ANKRD12: variants seen among roughly 807,000 people sequenced by gnomAD.
The protein encoded by ANKRD12 is ankyrin repeat domain-containing protein 12.
In ANKRD12, 85 loss-of-function variants were observed where a neutral mutation model predicts 183.4. That is an observed-to-expected ratio of 0.46 (90% CI 0.39 to 0.56). The LOEUF is 0.56. ANKRD12 is among the 20% of genes least tolerant of loss of function. The pLI, the probability that ANKRD12 is intolerant of heterozygous loss-of-function variation, is 0.00. For missense variants in ANKRD12, 2,405 were observed against 2,357.1 expected, an observed-to-expected ratio of 1.02 and a Z score of -0.42; for synonymous variants, 914 against 800.2, an observed-to-expected ratio of 1.14 and a Z score of -2.40.
Position 9,204,520 on chromosome 18 carries a change from A to G in ANKRD12, c.280A>G (p.Ile94Val), listed in dbSNP as rs1288332713. ...HTSENWGERL[I>V]SSYRTYSEKE... ...AAGTGAAAATTGGGGGGAGAGACTTATATCTTCTTACAGGACATACTCAGG... is the reference window on the plus strand; with the variant it reads ...AAGTGAAAATTGGGGGGAGAGACTTGTATCTTCTTACAGGACATACTCAGG... The change falls in exon 4 of 13, where the codon ATA becomes GTA. Residue 94 changes from isoleucine to valine, a missense_variant. This residue lies in a region of ANKRD12 where 145 missense variants were observed against 145.6 expected (regional missense o/e 1.00). Coordinates refer to ENST00000262126, the MANE Select transcript of ANKRD12 (RefSeq NM_015208.5). The G allele has an allele frequency of 5.6e-6, 9 of 1,600,938 alleles. No homozygotes were observed. The highest frequency in any genetic ancestry group is 2.3e-5 in the East Asian group (1 of 44,410).
intron 6 of ANKRD12, among the ~76,000 whole-genome samples, 157 bp from the exon 7 acceptor site, chr18:9,216,601 T>C (rs187296867): frequency 1.8e-4 from 27 of 152,386 alleles, no homozygotes; most frequent in African/African-American, 5.8e-4. Context: ...TAAATTGATA[T>C]TGTTCTTATT....
chr18:9,201,318 A>G (rs900117751), intron 3 of ANKRD12, among the ~76,000 whole-genome samples: 5 of 152,202 alleles, frequency 3.3e-5, no homozygotes, highest in Admixed American at 2.0e-4. Context: ...TTTCTTTCCT[A>G]GTCTTAACGG....
intron 4 of ANKRD12, among the ~76,000 whole-genome samples, chr18:9,205,606 A>G (rs911132626): frequency 7.9e-5 from 12 of 152,138 alleles, no homozygotes; most frequent in African/African-American, 2.9e-4. Context: ...GGTGACTTCT[A>G]AGTACCCAAA....
intron 8 of ANKRD12, among the ~76,000 whole-genome samples, chr18:9,253,788 T>C (rs920021517): frequency 2.6e-5 from 4 of 152,218 alleles, no homozygotes; most frequent in African/African-American, 9.6e-5. Context: ...AAACAGCCAC[T>C]TTGGAGAACA....
intron 1 of ANKRD12, 49 bp from the exon 2 acceptor site, chr18:9,182,333 A>AACTTCAGGTAGGTT: frequency 3.8e-5 from 13 of 338,900 alleles, no homozygotes; most frequent in Middle Eastern, 7.2e-4. Flanking sequence ...GTGGTGCGTA[A>AACTTCAGGTAGGTT]CCTATTGTAT....
intron 1 of ANKRD12, among the ~76,000 whole-genome samples, chr18:9,175,523 C>CCTTTTT (rs2033184243): frequency 1.9e-5 from 1 of 53,302 alleles, no homozygotes; most frequent in African/African-American, 7.7e-5. Flanking sequence ...AAAGGCTCCT[C>CCTTTTT]TTTTTTTTTT....
At chr18:9,278,476 G>A (rs1254795234) in intron 11 of ANKRD12, among the ~76,000 whole-genome samples, 1 of 152,128 alleles carries the variant, frequency 6.6e-6, no homozygotes, top group Non-Finnish European at 1.5e-5. Flanking sequence ...CTAACTTGGG[G>A]CACCAATGAA....
intron 1 of ANKRD12, among the ~76,000 whole-genome samples, chr18:9,162,992 G>T (rs543162245): frequency 6.6e-6 from 1 of 152,236 alleles, no homozygotes; most frequent in African/African-American, 2.4e-5. Flanking sequence ...TCTGTAGGTT[G>T]TCTGTTCACT....
intron 8 of ANKRD12, among the ~76,000 whole-genome samples, chr18:9,228,081 T>C (rs569692433): frequency 6.6e-6 from 1 of 152,266 alleles, no homozygotes; most frequent in South Asian, 2.1e-4. Flanking sequence ...CTGACTTCAC[T>C]AATTCCATCC....
At chr18:9,262,870 C>T (rs1312970801) in intron 9 of ANKRD12, among the ~76,000 whole-genome samples, 1 of 125,212 alleles carries the variant, frequency 8.0e-6, no homozygotes, top group African/African-American at 3.0e-5. Flanking sequence ...ATGATCTCAA[C>T]TCACTGCAAC....
intron 1 of ANKRD12, among the ~76,000 whole-genome samples, chr18:9,139,928 G>T (rs1400807562): frequency 6.6e-6 from 1 of 152,174 alleles, no homozygotes; most frequent in East Asian, 1.9e-4. Context: ...GTTTCTTTCT[G>T]TGAAGATGCT....
At chr18:9,182,170 C>T (rs903682689) in intron 1 of ANKRD12, among the ~76,000 whole-genome samples, 12 of 152,096 alleles carry the variant, frequency 7.9e-5, no homozygotes, top group East Asian at 1.9e-4. Context: ...TTACTTGTCT[C>T]GAGAATACAG....
chr18:9,140,329 T>A (rs1477780967), intron 1 of ANKRD12, among the ~76,000 whole-genome samples: 1 of 152,172 alleles, frequency 6.6e-6, no homozygotes, highest in African/African-American at 2.4e-5. Flanking sequence ...ACCTTTATTG[T>A]TTTCATCTTC....
chr18:9,238,951 A>G (rs934512031), intron 8 of ANKRD12, among the ~76,000 whole-genome samples: 2 of 152,136 alleles, frequency 1.3e-5, no homozygotes, highest in African/African-American at 4.8e-5. Context: ...GTGAAACCCC[A>G]TCTTTACAGA....
At chr18:9,198,457 AG>A (rs1425168977) in intron 3 of ANKRD12, among the ~76,000 whole-genome samples, 2 of 152,228 alleles carry the variant, frequency 1.3e-5, no homozygotes, top group African/African-American at 4.8e-5. Flanking sequence ...TCTAAATTAT[AG>A]AAATACTTTG....
Position 9,216,610 on chromosome 18 carries a change from T to C in ANKRD12, c.653-148T>C, listed in dbSNP as rs191697208. 9.9e-5 allele frequency: 72 copies of C among 727,878 alleles called. No individual in the cohort carries two copies. In the Middle Eastern group the frequency reaches 2.7e-3, roughly 27 times the overall value. The allele number at this position is 727,878 out of a possible 1,614,324, so 45.1% of individuals were successfully genotyped here. A position where few individuals can be genotyped will look rare whatever the true frequency, so the allele number is the denominator to read the frequency against. ...CTTCAGTAAATTGATATTGTTCTTA[T>C]TTATTTTTAGTAGCTTCTTCATCAC... On this transcript the variant is annotated intron_variant, in intron 6 of 12. Transcript: ENST00000262126.
In ANKRD12 at chr18:9,285,132, C is replaced by G. The variant is rs2145545586; in HGVS notation, c.*4006C>G. ...GCTGAGGCAGGAGAATGGCGTGAGC[C>G]TGGGAGGCGGAGCTTGCAGTGAGCC... On this transcript the variant is annotated 3_prime_UTR_variant, in exon 13 of 13. Transcript: ENST00000262126. 6.6e-6 allele frequency: 1 copy of G among 151,660 alleles called. No homozygotes were observed. The highest frequency in any genetic ancestry group is 2.4e-5 in the African/African-American group (1 of 41,336). The allele number at this position is 151,660 out of a possible 1,614,324, so 9.4% of individuals were successfully genotyped here.
In ANKRD12 at chr18:9,283,512, A is replaced by T. The variant is rs1009219369; in HGVS notation, c.*2386A>T. On this transcript the variant is annotated 3_prime_UTR_variant, in exon 13 of 13. Coordinates refer to ENST00000262126, the MANE Select transcript of ANKRD12 (RefSeq NM_015208.5). Reference sequence around the variant, plus strand: ...TAGTTAAGGGCTTTTGGTATTAAAGATATTCTGAAGCTCTGAAATGCTAGA... The same window carrying T: ...TAGTTAAGGGCTTTTGGTATTAAAGTTATTCTGAAGCTCTGAAATGCTAGA... The T allele has an allele frequency of 2.6e-5, 4 of 152,492 alleles. No homozygotes were observed. In the East Asian group the frequency reaches 7.7e-4, roughly 29 times the overall value. 9.4% of individuals were successfully genotyped at this position (152,492 alleles called of 1,614,324 possible). A position where few individuals can be genotyped will look rare whatever the true frequency, so the allele number is the denominator to read the frequency against.
At chr18:9,242,124 A>G (rs1289162464) in intron 8 of ANKRD12, among the ~76,000 whole-genome samples, 1 of 152,096 alleles carries the variant, frequency 6.6e-6, no homozygotes, top group Non-Finnish European at 1.5e-5. Context: ...ATGGCTGCAA[A>G]TTAATGTAAG....
Sources: allele counts gnomAD v4.1 joint callset (sites outside exome capture counted in the v4.1 genomes callset), GRCh38; gene constraint gnomAD v4.1.1; regional missense constraint gnomAD v4.1.1; transcripts MANE v1.5; gene names NCBI Gene and HGNC (gene_info 2026-07-23, HGNC 2026-07-21).